PKD2L1: variants seen among roughly 807,000 people sequenced by gnomAD.
PKD2L1 encodes polycystin 2 like 1, transient receptor potential cation channel.
In PKD2L1, 77 loss-of-function variants were observed where a neutral mutation model predicts 93.0. The observed-to-expected ratio is 0.83, with a 90% confidence interval of 0.69 to 1.00. The LOEUF (loss-of-function observed/expected upper bound fraction) is 1.00, where lower values mean the gene tolerates loss of function less well. Ranked by LOEUF, PKD2L1 falls within the 50% of genes least tolerant of loss-of-function variation. The probability of loss-of-function intolerance (pLI) is 0.00; values close to 1 mark genes in which losing one functional copy is unlikely to be tolerated. For synonymous variants in PKD2L1, 390 were observed against 388.0 expected (o/e 1.01, Z -0.06); for missense variants, 977 against 990.9 (o/e 0.99, Z 0.19).
intron 2 of PKD2L1, among the ~76,000 whole-genome samples, chr10:100,312,249 C>T (rs796181500): frequency 2.0e-4 from 30 of 152,326 alleles, no homozygotes; most frequent in African/African-American, 6.7e-4. Context: ...TCACTCACAT[C>T]TGCTTCAGTA....
intron 2 of PKD2L1, among the ~76,000 whole-genome samples, chr10:100,314,601 C>T (rs1209898004): frequency 2.0e-5 from 3 of 152,152 alleles, no homozygotes; most frequent in African/African-American, 7.2e-5. Flanking sequence ...TTTAGGGGAG[C>T]CTCCTATACT....
chr10:100,288,919 G>A (rs1057085092), intron 15 of PKD2L1, 53 bp downstream of exon 15: 24 of 1,199,778 alleles, frequency 2.0e-5, no homozygotes, highest in East Asian at 4.8e-5. Context: ...GGGCCTGTGC[G>A]GAGGCAGAGG....
chr10:100,321,836 A>AAAGC (rs369713705), intron 2 of PKD2L1, among the ~76,000 whole-genome samples: 123 of 3,562 alleles, frequency 0.035, 40 homozygotes, highest in African/African-American at 0.083. Flanking sequence ...AGAAAGAAGG[A>AAAGC]AAGCAAGCAA....
intron 2 of PKD2L1, among the ~76,000 whole-genome samples, chr10:100,303,915 C>T (rs1848742767): frequency 6.6e-6 from 1 of 152,212 alleles, no homozygotes; most frequent in African/African-American, 2.4e-5. Flanking sequence ...CTAGGTGGTA[C>T]TCATTGCTAC....
In PKD2L1 at chr10:100,311,857, T is replaced by C. The variant is rs977260548; in HGVS notation, c.350-12139A>G. Among the ~76,000 whole-genome samples the C allele has an allele frequency of 4.6e-5, 7 of 152,196 alleles. No homozygotes were observed. In the South Asian group the frequency reaches 6.2e-4, roughly 13 times the overall value. On this transcript the variant is annotated intron_variant, in intron 2 of 15. Coordinates refer to ENST00000318222, the MANE Select transcript of PKD2L1 (RefSeq NM_016112.3). ...AGTCGAACACATAAAGGAACTATTA[T>C]ATATACACTTTTTTTGACACTCAAA...
At chr10:100,294,892 G>A (rs1309873970) in intron 8 of PKD2L1, 50 bp downstream of exon 8, 2 of 1,517,006 alleles carry the variant, frequency 1.3e-6, no homozygotes, top group Non-Finnish European at 1.8e-6. Context: ...TACACCCGTG[G>A]AGCTGGAGGG....
chr10:100,305,102 T>A (rs976070214), intron 2 of PKD2L1, among the ~76,000 whole-genome samples: 2 of 145,898 alleles, frequency 1.4e-5, no homozygotes, highest in African/African-American at 2.5e-5. Context: ...GTGAATCATT[T>A]TCTCTTCTTG....
At chr10:100,315,723 CCT>C (rs1489026362) in intron 2 of PKD2L1, among the ~76,000 whole-genome samples, 1 of 152,118 alleles carries the variant, frequency 6.6e-6, no homozygotes, top group Non-Finnish European at 1.5e-5. Flanking sequence ...CTGGTTTACG[CCT>C]TTTTCCTCTT....
At chr10:100,311,469 T>C (rs935631031) in intron 2 of PKD2L1, among the ~76,000 whole-genome samples, 1 of 152,208 alleles carries the variant, frequency 6.6e-6, no homozygotes, top group Non-Finnish European at 1.5e-5. Context: ...CGTCATGAGC[T>C]TGGGTAATAA....
At chr10:100,325,937 A>G (rs1005565260) in intron 2 of PKD2L1, among the ~76,000 whole-genome samples, 6 of 152,182 alleles carry the variant, frequency 3.9e-5, no homozygotes, top group African/African-American at 1.4e-4. Flanking sequence ...CACACAGCTG[A>G]TAATTGGGGA....
chr10:100,288,162 T>G lies in PKD2L1; in HGVS notation c.*234A>C. ...GCAAAGTCCAAGTTTTCCTAAGGAG[T>G]TTTATTGATAGCCACCATGGAAACC... On this transcript the variant is annotated 3_prime_UTR_variant, in exon 16 of 16. Transcript: ENST00000318222. The G allele has an allele frequency of 2.2e-6, 1 of 464,340 alleles. No homozygotes were observed. Among genetic ancestry groups the G allele is most frequent in the Non-Finnish European group, 3.9e-6 (1 of 258,244 alleles). The allele number at this position is 464,340 out of a possible 1,614,324, so 28.8% of individuals were successfully genotyped here. A position where few individuals can be genotyped will look rare whatever the true frequency, so the allele number is the denominator to read the frequency against.
chr10:100,314,468 C>T lies in PKD2L1; in HGVS notation c.349+14743G>A, dbSNP rs555343111. Among the ~76,000 whole-genome samples, 6 of 152,160 alleles carry T rather than the reference C, an allele frequency of 3.9e-5. No homozygotes were observed. In the South Asian group the frequency reaches 8.3e-4, roughly 21 times the overall value. ...GGCACGGGGACAGCCAGTCCAGGACCGAGAAGTATCCAGCAAGAAGCACTG... is the reference window on the plus strand; with the variant it reads ...GGCACGGGGACAGCCAGTCCAGGACTGAGAAGTATCCAGCAAGAAGCACTG... On this transcript the variant is annotated intron_variant, in intron 2 of 15. Coordinates refer to ENST00000318222, the MANE Select transcript of PKD2L1 (RefSeq NM_016112.3).
At chr10:100,317,250 A>C (rs1350453275) in intron 2 of PKD2L1, among the ~76,000 whole-genome samples, 1 of 152,046 alleles carries the variant, frequency 6.6e-6, no homozygotes, top group Admixed American at 6.6e-5. Context: ...CAAACCCCCC[A>C]AAAATTTGGC....
intron 2 of PKD2L1, among the ~76,000 whole-genome samples, chr10:100,312,379 T>C (rs981083796): frequency 2.0e-5 from 3 of 152,148 alleles, no homozygotes; most frequent in African/African-American, 7.2e-5. Flanking sequence ...GCCAAAAGCT[T>C]TTATGAGTTG....
At position 100,297,029 on chromosome 10, in the gene PKD2L1, A is replaced by G; in HGVS notation, c.1136T>C (p.Leu379Pro). The change falls in exon 6 of 16, where the codon CTT becomes CCT. Residue 379 changes from leucine to proline, a missense_variant. Leu to Pro is a moderately conservative substitution (Grantham distance 98). Transcript: ENST00000318222. ...EEILELHIHR[L>P]RYLSSIWNIL... ...GTTCCAGATGCTGCTGAGGTAGCGAAGCCGGTGAATGTGGAGCTCCAGGAT... is the reference window on the plus strand; with the variant it reads ...GTTCCAGATGCTGCTGAGGTAGCGAGGCCGGTGAATGTGGAGCTCCAGGAT... 1 of 1,614,150 alleles carries G rather than the reference A, an allele frequency of 6.2e-7. No individual in the cohort carries two copies.
rs4919448 is a variant in PKD2L1, at chr10:100,300,927, C to T, written c.350-1209G>A. Among the ~76,000 whole-genome samples, 1,163 of 152,178 alleles carry T rather than the reference C, an allele frequency of 7.6e-3. 17 individuals carry two copies. Among genetic ancestry groups the T allele is most frequent in the Middle Eastern group, 0.037 (11 of 294 alleles). ...CTTGGCTCACCAAAAACTCCGCTATCGGGGGAACCTGCCCCCGATAATTCA... is the reference window on the plus strand; with the variant it reads ...CTTGGCTCACCAAAAACTCCGCTATTGGGGGAACCTGCCCCCGATAATTCA... On this transcript the variant is annotated intron_variant, in intron 2 of 15. Transcript: ENST00000318222.
chr10:100,303,257 G>A (rs1190847602), intron 2 of PKD2L1, among the ~76,000 whole-genome samples: 1 of 143,648 alleles, frequency 7.0e-6, no homozygotes, highest in Admixed American at 7.2e-5. Flanking sequence ...GCAATGGCAC[G>A]ATCTCGGCTC....
In PKD2L1 at chr10:100,298,720, C is replaced by A; in HGVS notation, c.573G>T (p.Glu191Asp). Residue 191 changes from glutamate (E) to aspartate (D), a missense_variant, in exon 4 of 16, where the codon GAG becomes GAT. Physicochemically the swap from Glu to Asp is conservative, Grantham distance 45. Transcript: ENST00000318222. ...GHGSHSFIYY[E>D]NMLLGVPRLR... Reference sequence around the variant, plus strand: ...GCCTCGGAACCCCCAGCAGCATGTTCTCATAGTAGATGAAGGAGTGGGAGC... The same window carrying A: ...GCCTCGGAACCCCCAGCAGCATGTTATCATAGTAGATGAAGGAGTGGGAGC... The A allele has an allele frequency of 6.2e-7, 1 of 1,614,090 alleles. No homozygotes were observed. The highest frequency in any genetic ancestry group is 8.5e-7 in the Non-Finnish European group (1 of 1,180,002).
At chr10:100,319,562 C>A (rs1287543583) in intron 2 of PKD2L1, among the ~76,000 whole-genome samples, 1 of 152,238 alleles carries the variant, frequency 6.6e-6, no homozygotes, top group Non-Finnish European at 1.5e-5. Flanking sequence ...TCTAGAAATA[C>A]TGTCAAGCTT....
Sources: allele counts gnomAD v4.1 joint callset (sites outside exome capture counted in the v4.1 genomes callset), GRCh38; gene constraint gnomAD v4.1.1; transcripts MANE v1.5; gene names NCBI Gene and HGNC (gene_info 2026-07-23, HGNC 2026-07-21).